Variants in NOTCH3 observed in about 807,000 individuals in gnomAD.
The protein encoded by NOTCH3 is neurogenic locus notch homolog protein 3.
Under a neutral mutation model 213.3 loss-of-function variants are expected in NOTCH3, and 86 were observed. The observed-to-expected ratio is 0.40, with a 90% CI of 0.34 to 0.48. The LOEUF (loss-of-function observed/expected upper bound fraction) is 0.48. Ranked by LOEUF, NOTCH3 falls within the 20% of genes least tolerant of loss-of-function variation. The pLI is 0.57. For synonymous variants in NOTCH3, 1,354 were observed against 1,355.9 expected (o/e 1.00, Z 0.03); for missense variants, 2,783 against 3,272.6 (o/e 0.85, Z 3.65).
rs1242956387 is a variant in NOTCH3 at position 15,185,013 on chromosome 19, T to G, written c.2303A>C (p.Gln768Pro). The change falls in exon 15 of 33, where the codon CAG becomes CCG. Residue 768 changes from glutamine (Q) to proline (P), a missense_variant. This residue lies in a region of NOTCH3 where 861 missense variants were observed against 909.1 expected (regional missense o/e 0.95). Coordinates refer to ENST00000263388, the MANE Select transcript of NOTCH3 (RefSeq NM_000435.3). This position sits in a 1 kb window ranked among gnomAD's most constrained non-coding sequence, Gnocchi z 4.2. ...CTCPPGVQGRQCELLSPCTPN... is the reference protein window; with the variant it reads ...CTCPPGVQGRPCELLSPCTPN... ...GGTGCAGGGGGAGAGGAGTTCACAC[T>G]GACGTCCTGTTGGGGGTGGAAGAGA... 2.0e-6 allele frequency: 3 copies of G among 1,494,384 alleles called. No individual in the cohort carries two copies. Among genetic ancestry groups the G allele is most frequent in the Middle Eastern group, 1.8e-4 (1 of 5,494 alleles). 92.6% of individuals were successfully genotyped at this position (1,494,384 alleles called of 1,614,324 possible).
In NOTCH3 at chr19:15,191,421, C is replaced by T. The variant is rs2145439583; in HGVS notation, c.1036+3G>A. On this transcript the variant is annotated splice_donor_region_variant and intron_variant, in intron 6 of 32. Transcript: ENST00000263388. ...GCTCCCTGCAGAGAAAACGGCCACTCACCAGTCTTGCCCATGGGGCAGGCA... is the reference window on the plus strand; with the variant it reads ...GCTCCCTGCAGAGAAAACGGCCACTTACCAGTCTTGCCCATGGGGCAGGCA... The T allele has an allele frequency of 6.2e-7, 1 of 1,612,694 alleles. No homozygotes were observed. Among genetic ancestry groups the T allele is most frequent in the South Asian group, 1.1e-5 (1 of 91,042 alleles).
Position 15,161,733 on chromosome 19 carries a change from C to T in NOTCH3, c.5914-19G>A, listed in dbSNP as rs2145384155. On this transcript the variant is annotated intron_variant, in intron 32 of 32. Coordinates refer to ENST00000263388, the MANE Select transcript of NOTCH3 (RefSeq NM_000435.3). ...TCTCCTCCTGGGGGGCCAGAACCCACAGAGGTCAGCGAAACCCCAGCTAAC... is the reference window on the plus strand; with the variant it reads ...TCTCCTCCTGGGGGGCCAGAACCCATAGAGGTCAGCGAAACCCCAGCTAAC... 5 of 1,609,948 alleles carry T rather than the reference C, an allele frequency of 3.1e-6. No individual in the cohort carries two copies. Among genetic ancestry groups the T allele is most frequent in the East Asian group, 2.2e-5 (1 of 44,814 alleles).
chr19:15,187,750 C>G (rs1381699695), intron 10 of NOTCH3, 131 bp downstream of exon 10: 23 of 759,336 alleles, frequency 3.0e-5, no homozygotes, highest in Non-Finnish European at 4.9e-5. Context: ...TTGGCTCCAC[C>G]CCCCAACTCT....
rs2145381603 is a variant in NOTCH3, at chr19:15,161,231, T to C, written c.6397A>G (p.Thr2133Ala). The C allele has an allele frequency of 5.2e-6, 8 of 1,547,292 alleles. No homozygotes were observed. The highest frequency in any genetic ancestry group is 6.9e-6 in the Non-Finnish European group (8 of 1,151,896). ...LEGPYAAATA[T>A]AVSLAQLGGP... ...CCAAGCTGTGCCAGAGACACTGCAG[T>C]GGCAGTGGCAGCTGCATAGGGCCCC... is the stretch of plus-strand genomic sequence containing the variant. The change falls in exon 33 of 33, where the codon ACT becomes GCT. Residue 2133 changes from threonine (T) to alanine (A), a missense_variant. Around this residue, in one of 6 missense-constraint regions of NOTCH3, gnomAD observed 441 missense variants for 432.1 expected, o/e 1.02. Transcript: ENST00000263388.
intron 31 of NOTCH3, among the ~76,000 whole-genome samples, chr19:15,164,899 GT>G (rs1185653040): frequency 3.3e-5 from 5 of 151,866 alleles, no homozygotes; most frequent in African/African-American, 7.3e-5. Flanking sequence ...TCCCACCTCA[GT>G]TTCTGGAGTA....
chr19:15,178,648 G>A, intron 23 of NOTCH3, 175 bp downstream of exon 23: 1 of 655,016 alleles, frequency 1.5e-6, no homozygotes, highest in South Asian at 1.7e-5. Context: ...GCCTCCCAAT[G>A]TGCTGGGATT....
chr19:15,186,093 C>T (rs143058758), intron 12 of NOTCH3, among the ~76,000 whole-genome samples: 131 of 151,550 alleles, frequency 8.6e-4, no homozygotes, highest in African/African-American at 2.7e-3. Flanking sequence ...CATGTGTGTG[C>T]GTGTTTATCT....
rs548348766 is a variant in NOTCH3 at position 15,180,192 on chromosome 19, G to A, written c.3207C>T (p.Tyr1069=). 7.4e-6 allele frequency: 12 copies of A among 1,613,868 alleles called. No individual in the cohort carries two copies. The South Asian group carries it at 1.1e-4, about 15-fold the overall frequency. The change falls in exon 20 of 33, where the codon TAC becomes TAT. Residue 1069 remains tyrosine (Y), a synonymous_variant. Coordinates refer to ENST00000263388, the MANE Select transcript of NOTCH3 (RefSeq NM_000435.3). ...CAGTACGGCCCTCTGGGCACACGCAGTAGTGGGAGCTGTCTTCATCCACAC... is the reference window on the plus strand; with the variant it reads ...CAGTACGGCCCTCTGGGCACACGCAATAGTGGGAGCTGTCTTCATCCACAC... The part of the protein sequence containing the change: ...GQCVDEDSSH[Y]CVCPEGRTGS...
In NOTCH3 at chr19:15,197,522, G is replaced by A. The variant is rs2145451112; in HGVS notation, c.175C>T (p.Pro59Ser). 1 of 1,611,536 alleles carries A rather than the reference G, an allele frequency of 6.2e-7. No homozygotes were observed. Among genetic ancestry groups the A allele is most frequent in the Non-Finnish European group, 8.5e-7 (1 of 1,179,670 alleles). ...CANGGRCTQL[P>S]SREAACLCPP... ...CACAGGCAGGCAGCCTCCCGGGAGG[G>A]CAGCTGGGTGCAACGACCTCCATTT... The change falls in exon 2 of 33, where the codon CCC becomes TCC. Residue 59 changes from proline to serine, a missense_variant. Around this residue, in one of 6 missense-constraint regions of NOTCH3, gnomAD observed 708 missense variants for 906.6 expected, o/e 0.78. Coordinates refer to ENST00000263388, the MANE Select transcript of NOTCH3 (RefSeq NM_000435.3).
chr19:15,170,156 C>A lies in NOTCH3; in HGVS notation c.5129G>T (p.Gly1710Val). ...GGCCACCTCCCCCATCAGGCTCTCA[C>A]CCTTGGCCATGTTCCTGGCGGACAA... ...DALGMKNMAK[G>V]ESLMGEVATD... The change falls in exon 28 of 33, where the codon GGT (glycine) becomes GTT (valine). Residue 1710 changes from glycine to valine, a missense_variant. This residue lies in a region of NOTCH3 where 636 missense variants were observed against 801.8 expected (regional missense o/e 0.79). Transcript: ENST00000263388. 1.2e-6 allele frequency: 2 copies of A among 1,605,222 alleles called. No homozygotes were observed. The highest frequency in any genetic ancestry group is 8.5e-7 in the Non-Finnish European group (1 of 1,175,606).
chr19:15,162,438 C>T (rs557783034), intron 32 of NOTCH3, 27 bp downstream of exon 32: 20 of 1,549,220 alleles, frequency 1.3e-5, no homozygotes, highest in East Asian at 1.1e-4. Flanking sequence ...ACTGCTGACA[C>T]CCAGTGGACC....
chr19:15,178,621 G>C, intron 23 of NOTCH3: 1 of 623,680 alleles, frequency 1.6e-6, no homozygotes, highest in Non-Finnish European at 2.9e-6. Context: ...CTGGCCTCAA[G>C]TGATCCTCCC....
At chr19:15,167,852 A>G (rs1199107183) in intron 28 of NOTCH3, among the ~76,000 whole-genome samples, 1 of 150,576 alleles carries the variant, frequency 6.6e-6, no homozygotes, top group Non-Finnish European at 1.5e-5. Flanking sequence ...TGTGTGCCAT[A>G]GCCCAAGGAG....
rs542810466 is a variant in NOTCH3, at chr19:15,160,084, G to A, written c.*578C>T. 28 of 233,920 alleles carry A rather than the reference G, an allele frequency of 1.2e-4. No individual in the cohort carries two copies. In the South Asian group the frequency reaches 2.7e-3, roughly 23 times the overall value. The allele number at this position is 233,920 out of a possible 1,614,324, so 14.5% of individuals were successfully genotyped here. A position where few individuals can be genotyped will look rare whatever the true frequency, so the allele number is the denominator to read the frequency against. On this transcript the variant is annotated 3_prime_UTR_variant, in exon 33 of 33. Transcript: ENST00000263388. ...CTGGCCCCAGTGGGTGCGCCCAAGG[G>A]TGCCTACTTGGTACATACCTGGGTC...
Position 15,192,187 on chromosome 19 carries a change from T to A in NOTCH3, c.452A>T (p.Gln151Leu), listed in dbSNP as rs1299206541. The A allele has an allele frequency of 3.7e-6, 6 of 1,612,302 alleles. No homozygotes were observed. In the Admixed American group the frequency reaches 8.3e-5, roughly 22 times the overall value. ...CACGTCGCTTCGGCAGCTGCGGCCCTGGTAGCCAGGTGGGCAGGAGCAGAG... is the reference window on the plus strand; with the variant it reads ...CACGTCGCTTCGGCAGCTGCGGCCCAGGTAGCCAGGTGGGCAGGAGCAGAG... ...RFLCSCPPGY[Q>L]GRSCRSDVDE... Residue 151 changes from glutamine (Q) to leucine (L), a missense_variant, in exon 4 of 33, where the codon CAG (glutamine) becomes CTG (leucine). Physicochemically the swap from Gln to Leu is moderately radical, Grantham distance 113. Transcript: ENST00000263388.
chr19:15,197,873 G>A (rs907163980), intron 1 of NOTCH3, among the ~76,000 whole-genome samples: 19 of 152,272 alleles, frequency 1.2e-4, no homozygotes, highest in Middle Eastern at 3.4e-3. Flanking sequence ...GAAGCTGCCA[G>A]AGCTAAGATG....
At chr19:15,197,470 C>G in intron 2 of NOTCH3, 30 bp downstream of exon 2, 1 of 1,232,544 alleles carries the variant, frequency 8.1e-7, no homozygotes, top group Non-Finnish European at 1.2e-6. Context: ...ACACACAGGG[C>G]CCACTGGTGG....
chr19:15,188,482 C>A (rs1040080978), intron 8 of NOTCH3, 134 bp from the exon 9 acceptor site: 13 of 707,182 alleles, frequency 1.8e-5, no homozygotes, highest in Non-Finnish European at 3.3e-5. Context: ...CACTCCCAGC[C>A]CAACCTTAAT....
At chr19:15,186,823 C>G in intron 12 of NOTCH3, 55 bp downstream of exon 12, 1 of 1,407,916 alleles carries the variant, frequency 7.1e-7, no homozygotes, top group Non-Finnish European at 1.0e-6. Flanking sequence ...CCCACAGAGA[C>G]GAGTGACTTC....
Sources: gnomAD v4.1 joint callset for allele counts (sites outside exome capture counted in the v4.1 genomes callset) on GRCh38, gnomAD v4.1.1 for gene constraint, gnomAD v4.1.1 regional missense constraint, Gnocchi (gnomAD v3.1) non-coding constraint, MANE v1.5 for transcripts, NCBI Gene and HGNC (gene_info 2026-07-23, HGNC 2026-07-21) for gene names.